Variants in BZW2 observed in about 807,000 individuals in gnomAD.
BZW2 encodes basic leucine zipper and W2 domains 2.
Under a neutral mutation model 53.2 loss-of-function variants are expected in BZW2, and 23 were observed. The observed-to-expected ratio is 0.43, with a 90% confidence interval of 0.31 to 0.61. BZW2 has a LOEUF of 0.61. Among genes scored for constraint, BZW2 ranks in the 20% least tolerant of loss-of-function variants. The pLI is 0.09. For synonymous variants in BZW2, 227 were observed against 186.4 expected, an observed-to-expected ratio of 1.22 and a Z score of -1.77; for missense variants, 409 against 503.1, an observed-to-expected ratio of 0.81 and a Z score of 1.79.
chr7:16,705,421 C>T (rs768769412), intron 11 of BZW2, among the ~76,000 whole-genome samples: 27 of 152,168 alleles, frequency 1.8e-4, no homozygotes, highest in Non-Finnish European at 3.5e-4. Flanking sequence ...CACGGTGGCT[C>T]ACGCCTGTAA....
At chr7:16,666,194 A>G (rs888367201) in intron 2 of BZW2, among the ~76,000 whole-genome samples, 1 of 152,042 alleles carries the variant, frequency 6.6e-6, no homozygotes, top group African/African-American at 2.4e-5. Context: ...ACCTGGGCTC[A>G]AGTGGTCCTT....
At chr7:16,656,993 C>G (rs1160179419) in intron 1 of BZW2, among the ~76,000 whole-genome samples, 2 of 152,104 alleles carry the variant, frequency 1.3e-5, no homozygotes, top group African/African-American at 4.8e-5. Context: ...TAGTGAATCT[C>G]CCCTGCTCCA....
chr7:16,677,373 A>G (rs1337673663), intron 3 of BZW2, among the ~76,000 whole-genome samples: 1 of 152,152 alleles, frequency 6.6e-6, no homozygotes, highest in Non-Finnish European at 1.5e-5. Context: ...ACCCTAGGAA[A>G]TCCAGCTAGT....
chr7:16,705,989 G>T, intron 11 of BZW2, 71 bp from the exon 12 acceptor site: 1 of 1,572,036 alleles, frequency 6.4e-7, no homozygotes, highest in Non-Finnish European at 8.8e-7. Context: ...CTGGGTTGGT[G>T]ACTGTAGTAA....
At chr7:16,705,419 C>T (rs1583761670) in intron 11 of BZW2, among the ~76,000 whole-genome samples, 1 of 152,054 alleles carries the variant, frequency 6.6e-6, no homozygotes, top group South Asian at 2.1e-4. Context: ...GGCACGGTGG[C>T]TCACGCCTGT....
At chr7:16,705,761 A>G (rs908985193) in intron 11 of BZW2, among the ~76,000 whole-genome samples, 4 of 149,428 alleles carry the variant, frequency 2.7e-5, no homozygotes, top group African/African-American at 7.3e-5. Flanking sequence ...TTAATTTTAT[A>G]TATATTCAAA....
chr7:16,669,112 G>C (rs1782523332), intron 2 of BZW2, among the ~76,000 whole-genome samples: 1 of 152,140 alleles, frequency 6.6e-6, no homozygotes, highest in Non-Finnish European at 1.5e-5. Flanking sequence ...TGAGACTTTA[G>C]CTCTGTAAAT....
At chr7:16,673,236 A>G (rs706032) in intron 2 of BZW2, among the ~76,000 whole-genome samples, 14,770 of 152,080 alleles carry the variant, frequency 0.097, 848 homozygotes, top group Middle Eastern at 0.19. Context: ...GTGAGCCACC[A>G]CGCCCGGCCT....
intron 6 of BZW2, among the ~76,000 whole-genome samples, chr7:16,688,077 C>G (rs961355111): frequency 2.0e-5 from 3 of 149,704 alleles, no homozygotes; most frequent in Admixed American, 6.7e-5. Context: ...GGAAGAAAAT[C>G]AGGTTTAGTT....
At chr7:16,664,380 G>A (rs1018279075) in intron 1 of BZW2, among the ~76,000 whole-genome samples, 2 of 152,194 alleles carry the variant, frequency 1.3e-5, no homozygotes, top group Non-Finnish European at 2.9e-5. Flanking sequence ...TGGTGGAGAT[G>A]GTCAGAGAAG....
At chr7:16,658,840 A>C (rs1235763919) in intron 1 of BZW2, among the ~76,000 whole-genome samples, 1 of 151,828 alleles carries the variant, frequency 6.6e-6, no homozygotes, top group African/African-American at 2.4e-5. Context: ...GCACCACTGC[A>C]CTCCAGCCTG....
intron 2 of BZW2, among the ~76,000 whole-genome samples, chr7:16,669,812 C>G (rs375707437): frequency 4.6e-5 from 7 of 152,186 alleles, no homozygotes; most frequent in Middle Eastern, 3.2e-3. Flanking sequence ...TTATGATTCA[C>G]CAGCACAGTT....
At position 16,696,915 on chromosome 7, in the gene BZW2, G is replaced by C; in HGVS notation, c.823G>C (p.Val275Leu). ...CTGACCCCATTTCCATGTAATGTAG[G>C]TGGTGCTTTATGTCAAAGAAGAAAT... Reference protein sequence around the residue: ...RLSQECPIKEVVLYVKEEMKR... With the variant: ...RLSQECPIKELVLYVKEEMKR... The change falls in exon 9 of 12, where the codon GTG (valine) becomes CTG (leucine). Residue 275 changes from valine to leucine, a missense_variant and splice_region_variant. Val to Leu is a conservative substitution (Grantham distance 32). Transcript: ENST00000258761. 3 of 1,613,994 alleles carry C rather than the reference G, an allele frequency of 1.9e-6. No homozygotes were observed. The highest frequency in any genetic ancestry group is 2.5e-6 in the Non-Finnish European group (3 of 1,179,932).
intron 7 of BZW2, among the ~76,000 whole-genome samples, chr7:16,690,865 C>T (rs571414374): frequency 1.3e-5 from 2 of 152,252 alleles, no homozygotes; most frequent in African/African-American, 4.8e-5. Flanking sequence ...AAGATTTCTC[C>T]AGGTGGAATT....
chr7:16,688,018 T>C (rs1026306313), intron 6 of BZW2, among the ~76,000 whole-genome samples: 5 of 152,184 alleles, frequency 3.3e-5, no homozygotes, highest in Admixed American at 6.5e-5. Context: ...GTTTTGTTGT[T>C]ATAGCCGTTT....
intron 2 of BZW2, among the ~76,000 whole-genome samples, chr7:16,672,402 C>T (rs1469483311): frequency 6.6e-6 from 1 of 152,022 alleles, no homozygotes; most frequent in Admixed American, 6.6e-5. Flanking sequence ...TCTCTTAATG[C>T]TTCCATTGAG....
chr7:16,656,150 T>TATATATATATATATATATACACAC (rs143994492), intron 1 of BZW2, among the ~76,000 whole-genome samples: 4 of 150,164 alleles, frequency 2.7e-5, no homozygotes, highest in African/African-American at 1.0e-4. Flanking sequence ...TATATATATA[T>TATATATATATATATATATACACAC]ACATAAATAT....
intron 5 of BZW2, among the ~76,000 whole-genome samples, chr7:16,684,891 A>G (rs1783066906): frequency 1.3e-5 from 2 of 152,206 alleles, no homozygotes; most frequent in Non-Finnish European, 2.9e-5. Flanking sequence ...CTTGGGGAAT[A>G]GTAAGTTAAT....
rs71848458 is a variant in BZW2 at position 16,665,507 on chromosome 7, T to TTGTGTGTGTG, written c.58+20_58+29dup. ...GTTCAAAACTCGGAAAAGGGGTAGG[T>TTGTGTGTGTG]TGTGTGTGTGTGTGTGTGTGTGTTT... is the stretch of plus-strand genomic sequence containing the variant. On this transcript the variant is annotated splice_region_variant and intron_variant, in intron 2 of 11. Coordinates refer to ENST00000258761, the MANE Select transcript of BZW2 (RefSeq NM_014038.3). The TTGTGTGTGTG allele has an allele frequency of 3.3e-4, 512 of 1,548,420 alleles. 4 individuals carry two copies. In the African/African-American group the frequency reaches 6.0e-3, roughly 18 times the overall value.
Sources: gnomAD v4.1 joint callset for allele counts (sites outside exome capture counted in the v4.1 genomes callset) on GRCh38, gnomAD v4.1.1 for gene constraint, MANE v1.5 for transcripts, NCBI Gene and HGNC (gene_info 2026-07-23, HGNC 2026-07-21) for gene names.